The following HMCN2 variants were observed in gnomAD, a reference collection of about 807,000 sequenced individuals.
HMCN2 encodes the protein hemicentin-2.
Under a neutral mutation model 377.5 loss-of-function variants are expected in HMCN2, and 325 were observed. The observed-to-expected ratio is 0.86, with a 90% CI of 0.79 to 0.94. HMCN2 has a LOEUF of 0.94. Among genes scored for constraint, HMCN2 ranks in the 40% least tolerant of loss-of-function variants. The pLI, the probability that HMCN2 is intolerant of heterozygous loss-of-function variation, is 0.00. For synonymous variants in HMCN2, 2,007 were observed against 2,046.8 expected, an observed-to-expected ratio of 0.98 and a Z score of 0.53; for missense variants, 4,543 against 4,725.3, an observed-to-expected ratio of 0.96 and a Z score of 1.13.
intron 94 of HMCN2, chr9:130,429,923 C>G: frequency 1.4e-6 from 1 of 735,776 alleles, no homozygotes; most frequent in South Asian, 2.2e-5. Context: ...CAGCCTGACC[C>G]TGTGGGGTCA....
intron 28 of HMCN2, 27 bp downstream of exon 28, chr9:130,349,158 C>T (rs1158693985): frequency 7.7e-7 from 1 of 1,298,542 alleles, no homozygotes; most frequent in East Asian, 5.6e-5. Context: ...CCCTGTAACT[C>T]CCAAGTGTGT....
At chr9:130,412,402 G>A (rs1009520447) in intron 85 of HMCN2, among the ~76,000 whole-genome samples, 1 of 152,050 alleles carries the variant, frequency 6.6e-6, no homozygotes, top group Non-Finnish European at 1.5e-5. Flanking sequence ...GCTTGTCTTT[G>A]CATTTTCTTA....
At chr9:130,363,637 C>T (rs748504011) in intron 40 of HMCN2, among the ~76,000 whole-genome samples, 35 of 151,952 alleles carry the variant, frequency 2.3e-4, no homozygotes, top group African/African-American at 3.6e-4. Flanking sequence ...GCCTGGCCAA[C>T]GCAGTGAAAC....
chr9:130,412,567 C>CTTTTTTTTTTTTTTTTTTTTTTTTTTT (rs55873444), intron 85 of HMCN2, among the ~76,000 whole-genome samples: 1 of 134,528 alleles, frequency 7.4e-6, no homozygotes, highest in Non-Finnish European at 1.6e-5. Context: ...CTTTCTTTCT[C>CTTTTTTTTTTTTTTTTTTTTTTTTTTT]TTTTTTTTTT....
At chr9:130,332,679 T>G (rs1838490153) in intron 22 of HMCN2, among the ~76,000 whole-genome samples, 1 of 152,216 alleles carries the variant, frequency 6.6e-6, no homozygotes, top group African/African-American at 2.4e-5. Context: ...CAGCATGACC[T>G]TCCCTCATGT....
rs1439148976 is a variant in HMCN2 at position 130,349,293 on chromosome 9, T to C, written c.4303+162T>C. Among the ~76,000 whole-genome samples, 5 of 152,120 alleles carry C rather than the reference T, an allele frequency of 3.3e-5. 1 individual carries two copies. The South Asian group carries it at 6.2e-4, about 19-fold the overall frequency. ...CCCCATCCTCACAGAGCTATCAGGC[T>C]TGGGGGACAGACATCAGACAGGTGA... is the stretch of plus-strand genomic sequence containing the variant. On this transcript the variant is annotated intron_variant, in intron 28 of 97. Transcript: ENST00000683500.
intron 7 of HMCN2, among the ~76,000 whole-genome samples, chr9:130,298,242 C>G (rs1327305142): frequency 2.6e-5 from 4 of 152,122 alleles, no homozygotes; most frequent in Non-Finnish European, 5.9e-5. Flanking sequence ...TCATGAGCCA[C>G]CATGCCAGGC....
At chr9:130,270,792 G>T (rs962404401) in intron 1 of HMCN2, among the ~76,000 whole-genome samples, 1 of 148,474 alleles carries the variant, frequency 6.7e-6, no homozygotes, top group Non-Finnish European at 1.5e-5. Context: ...TGCCTAGGCC[G>T]ATGTCAAACT....
At chr9:130,291,449 A>G (rs1835759890) in intron 4 of HMCN2, among the ~76,000 whole-genome samples, 1 of 152,218 alleles carries the variant, frequency 6.6e-6, no homozygotes, top group African/African-American at 2.4e-5. Flanking sequence ...ACCTAAGGTG[A>G]TCCGCCTGCC....
intron 54 of HMCN2, 81 bp from the exon 55 acceptor site, chr9:130,382,103 C>A: frequency 1.9e-6 from 1 of 520,676 alleles, no homozygotes; most frequent in Non-Finnish European, 2.5e-6. Context: ...CCCAGGTCCA[C>A]TCCAGAGGAG....
At position 130,393,825 on chromosome 9, in the gene HMCN2, CG is replaced by C. The variant is rs1564849565; in HGVS notation, c.10322del (p.Gly3441AlafsTer10). 21 of 1,289,058 alleles carry C rather than the reference CG, an allele frequency of 1.6e-5. No homozygotes were observed. The highest frequency in any genetic ancestry group is 2.0e-5 in the Non-Finnish European group (20 of 988,510). 79.9% of individuals were successfully genotyped at this position (1,289,058 alleles called of 1,614,324 possible). ...CCTGGTGGAACTCCCGTGCGAGGCC[CG>C]GGGCGTTCCCCTGCCTCTCGTGTCG... is the stretch of plus-strand genomic sequence containing the variant. ...GSLVELPCEA[R>X]GVPLPLVSWM... On this transcript the variant is annotated frameshift_variant, in exon 68 of 98. Transcript: ENST00000683500. LOFTEE classifies it high-confidence loss of function. This position sits in a 1 kb window ranked among gnomAD's most constrained non-coding sequence, Gnocchi z 5.2.
In HMCN2 at chr9:130,373,611, GGA is replaced by G. The variant is rs1385924863; in HGVS notation, c.7438+488_7438+489del. Among the ~76,000 whole-genome samples, 208 of 87,622 alleles carry G rather than the reference GGA, an allele frequency of 2.4e-3. 4 individuals carry two copies. The highest frequency in any genetic ancestry group is 3.3e-3 in the Non-Finnish European group (113 of 34,024). The allele number at this position is 87,622 out of a possible 152,430, so 57.5% of individuals were successfully genotyped here. A position where few individuals can be genotyped will look rare whatever the true frequency, so the allele number is the denominator to read the frequency against. Reference sequence around the variant, plus strand: ...TGGATGGGTGGGTGGGTGGGTGGATGGATGGATGGATGGATGGATGGATGGAT... The same window carrying G: ...TGGATGGGTGGGTGGGTGGGTGGATGTGGATGGATGGATGGATGGATGGAT... On this transcript the variant is annotated intron_variant, in intron 48 of 97. Transcript: ENST00000683500.
Position 130,396,294 on chromosome 9 carries a change from C to T in HMCN2, c.11179C>T (p.Leu3727=). Residue 3727 remains leucine, a synonymous_variant, in exon 73 of 98, where the codon CTG becomes TTG. Coordinates refer to ENST00000683500, the MANE Select transcript of HMCN2 (RefSeq NM_001291815.2). ...GAGCTGGCGGAAGGACAGGGTCCCC[C>T]TGGATCCCAGGAGCCCCAGGTGGGA... The part of the protein sequence containing the change: ...LVSWRKDRVP[L]DPRSPRFEIL... The T allele has an allele frequency of 1.6e-6, 2 of 1,274,312 alleles. No homozygotes were observed. Among genetic ancestry groups the T allele is most frequent in the Non-Finnish European group, 2.0e-6 (2 of 976,062 alleles). The allele number at this position is 1,274,312 out of a possible 1,614,324, so 78.9% of individuals were successfully genotyped here.
At chr9:130,339,022 C>T (rs1838909358) in intron 23 of HMCN2, among the ~76,000 whole-genome samples, 1 of 142,170 alleles carries the variant, frequency 7.0e-6, no homozygotes, top group Admixed American at 7.1e-5. Flanking sequence ...GACCCCATCT[C>T]TACAAAAAAT....
chr9:130,421,242 G>A (rs966936583), intron 86 of HMCN2, among the ~76,000 whole-genome samples: 6 of 151,958 alleles, frequency 3.9e-5, no homozygotes, highest in Non-Finnish European at 5.9e-5. Flanking sequence ...ATCTTCGTTC[G>A]TGTTGGCTTT....
chr9:130,384,849 C>A, intron 59 of HMCN2, 51 bp downstream of exon 59: 1 of 1,166,584 alleles, frequency 8.6e-7, no homozygotes, highest in Non-Finnish European at 1.2e-6. Flanking sequence ...CTTCAGTCAC[C>A]CCTCAGCCCA....
At chr9:130,407,206 C>T (rs113818603) in intron 82 of HMCN2, 3,052 of 169,396 alleles carry the variant, frequency 0.018, 119 homozygotes, top group African/African-American at 0.068. Context: ...GCTGAGATTG[C>T]GTCATTGCAC....
intron 1 of HMCN2, among the ~76,000 whole-genome samples, chr9:130,272,234 TAAATTTTTTTG>T (rs1834443503): frequency 4.7e-5 from 7 of 149,148 alleles, no homozygotes; most frequent in African/African-American, 1.7e-4. Flanking sequence ...TTAAAAAAAA[TAAATTTTTTTG>T]TTTTTGTTTT....
chr9:130,383,336 C>A (rs71501135), intron 56 of HMCN2, among the ~76,000 whole-genome samples, 168 bp from the exon 57 acceptor site: 1 of 152,206 alleles, frequency 6.6e-6, no homozygotes, highest in African/African-American at 2.4e-5. Context: ...ACGCCCGCTC[C>A]TGAGCGCCAC....
Sources: gnomAD v4.1 joint callset for allele counts (sites outside exome capture counted in the v4.1 genomes callset) on GRCh38, gnomAD v4.1.1 for gene constraint, Gnocchi (gnomAD v3.1) non-coding constraint, MANE v1.5 for transcripts, NCBI Gene and HGNC (gene_info 2026-07-23, HGNC 2026-07-21) for gene names.